Variants in UNC5D observed in about 807,000 individuals in gnomAD.
UNC5D encodes the protein unc-5 netrin receptor D.
Under a neutral mutation model 105.4 loss-of-function variants are expected in UNC5D, and 39 were observed. The observed-to-expected ratio is 0.37, with a 90% CI of 0.29 to 0.48. The LOEUF (loss-of-function observed/expected upper bound fraction) is 0.48. UNC5D is among the 20% of genes least tolerant of loss of function. UNC5D has a pLI of 0.98. For synonymous variants in UNC5D, 452 were observed against 450.4 expected (o/e 1.00, Z -0.04); for missense variants, 991 against 1,202.4 (o/e 0.82, Z 2.60).
Position 35,774,735 on chromosome 8 carries a change from C to T in UNC5D, c.2657+258C>T, listed in dbSNP as rs557621398. Among the ~76,000 whole-genome samples, 14 of 152,098 alleles carry T rather than the reference C, an allele frequency of 9.2e-5. No homozygotes were observed. In the South Asian group the frequency reaches 2.5e-3, roughly 27 times the overall value. On this transcript the variant is annotated intron_variant, in intron 16 of 16. Coordinates refer to ENST00000404895, the MANE Select transcript of UNC5D (RefSeq NM_080872.4). ...TGGCTTGAGCCTAGAAGTTTGAGAC[C>T]AGCCTGGGCAACATGGTGAGACCCC... is the stretch of plus-strand genomic sequence containing the variant.
At chr8:35,371,447 A>G in intron 1 of UNC5D, among the ~76,000 whole-genome samples, 1 of 152,156 alleles carries the variant, frequency 6.6e-6, no homozygotes, top group South Asian at 2.1e-4. Context: ...TGAGATTATC[A>G]TTTTAAAAAA....
intron 1 of UNC5D, among the ~76,000 whole-genome samples, chr8:35,359,979 A>G (rs1801772371): frequency 1.3e-5 from 2 of 152,228 alleles, no homozygotes; most frequent in African/African-American, 2.4e-5. Context: ...TAAATTCTTC[A>G]TTTTGAATTA....
chr8:35,710,945 T>TG (rs1827904409), intron 8 of UNC5D, among the ~76,000 whole-genome samples: 1 of 123,800 alleles, frequency 8.1e-6, no homozygotes, highest in Admixed American at 8.7e-5. Flanking sequence ...TTTTTTTTTT[T>TG]TTTTTTTTTT....
chr8:35,309,119 G>T (rs1410601215), intron 1 of UNC5D, among the ~76,000 whole-genome samples: 1 of 152,102 alleles, frequency 6.6e-6, no homozygotes, highest in Non-Finnish European at 1.5e-5. Flanking sequence ...TCTTCCTCAT[G>T]AACAATTCTG....
chr8:35,288,136 A>G (rs1312428638), intron 1 of UNC5D, among the ~76,000 whole-genome samples: 2 of 152,234 alleles, frequency 1.3e-5, no homozygotes, highest in Admixed American at 6.5e-5. Flanking sequence ...GAACCCAAAG[A>G]GGAGTTTACT....
At chr8:35,549,585 CTG>C in intron 2 of UNC5D, 75 bp downstream of exon 2, 2 of 1,381,466 alleles carry the variant, frequency 1.4e-6, no homozygotes, top group African/African-American at 1.4e-5. Flanking sequence ...CTGGGAAAGA[CTG>C]GAAATCACCC....
chr8:35,330,833 C>A (rs908269752), intron 1 of UNC5D, among the ~76,000 whole-genome samples: 1 of 152,122 alleles, frequency 6.6e-6, no homozygotes, highest in Non-Finnish European at 1.5e-5. Flanking sequence ...TATTCTTTCA[C>A]TGTATTATAC....
chr8:35,591,650 C>A (rs773485068), intron 3 of UNC5D, among the ~76,000 whole-genome samples: 1 of 152,098 alleles, frequency 6.6e-6, no homozygotes, highest in Non-Finnish European at 1.5e-5. Context: ...CTCCCTCTGA[C>A]AATCTCATTG....
intron 1 of UNC5D, among the ~76,000 whole-genome samples, chr8:35,425,575 A>C (rs1442770423): frequency 6.6e-6 from 1 of 152,158 alleles, no homozygotes; most frequent in Non-Finnish European, 1.5e-5. Flanking sequence ...AATGTGAACA[A>C]AGCTGTACTT....
chr8:35,350,054 T>C (rs544369915), intron 1 of UNC5D, among the ~76,000 whole-genome samples: 1 of 152,026 alleles, frequency 6.6e-6, no homozygotes, highest in East Asian at 1.9e-4. Context: ...ATAATTTAAT[T>C]TAATAAATTA....
intron 1 of UNC5D, among the ~76,000 whole-genome samples, chr8:35,319,421 A>C (rs141668992): frequency 6.6e-6 from 1 of 152,260 alleles, no homozygotes; most frequent in East Asian, 1.9e-4. Context: ...GGCTGTCTGA[A>C]TCCTTGATCT....
At chr8:35,657,116 A>ATATATATATATG (rs2131212395) in intron 4 of UNC5D, among the ~76,000 whole-genome samples, 1 of 124,738 alleles carries the variant, frequency 8.0e-6, no homozygotes, top group South Asian at 2.5e-4. Flanking sequence ...ATATATATAT[A>ATATATATATATG]TATATATGCC....
At chr8:35,277,552 G>A (rs6468312) in intron 1 of UNC5D, among the ~76,000 whole-genome samples, 125,265 of 152,060 alleles carry the variant, frequency 0.82, 51,980 homozygotes, top group East Asian at 1. Context: ...TGAGTCTTGG[G>A]TGACTTTTCT....
At chr8:35,476,035 G>A (rs137989326) in intron 1 of UNC5D, among the ~76,000 whole-genome samples, 3 of 152,228 alleles carry the variant, frequency 2.0e-5, no homozygotes, top group East Asian at 1.9e-4. Context: ...TGACTCTATC[G>A]TATATTGCAC....
At chr8:35,237,301 A>G (rs1802537755) in intron 1 of UNC5D, among the ~76,000 whole-genome samples, 1 of 148,800 alleles carries the variant, frequency 6.7e-6, no homozygotes, top group African/African-American at 2.5e-5. Flanking sequence ...TCCTTCTCGT[A>G]CTGGAAGAAG....
At chr8:35,627,543 G>A (rs1018263254) in intron 4 of UNC5D, among the ~76,000 whole-genome samples, 3 of 152,042 alleles carry the variant, frequency 2.0e-5, no homozygotes, top group African/African-American at 7.2e-5. Flanking sequence ...CAGTCTTTTT[G>A]TTTCCATGGA....
chr8:35,380,933 C>A (rs898725341), intron 1 of UNC5D, among the ~76,000 whole-genome samples: 1 of 151,550 alleles, frequency 6.6e-6, no homozygotes, highest in Non-Finnish European at 1.5e-5. Context: ...TTGCTTAAGG[C>A]TCTAAGTATT....
chr8:35,643,136 G>C (rs1249553931), intron 4 of UNC5D, among the ~76,000 whole-genome samples: 1 of 152,124 alleles, frequency 6.6e-6, no homozygotes, highest in African/African-American at 2.4e-5. Flanking sequence ...CTTTGTTGTG[G>C]GGGGGCTGTC....
chr8:35,562,067 C>T (rs920297542), intron 2 of UNC5D, among the ~76,000 whole-genome samples: 4 of 152,148 alleles, frequency 2.6e-5, no homozygotes, highest in African/African-American at 9.6e-5. Context: ...CCAGTCTACT[C>T]TCTATTTTCA....
Sources: allele counts gnomAD v4.1 joint callset (sites outside exome capture counted in the v4.1 genomes callset), GRCh38; gene constraint gnomAD v4.1.1; transcripts MANE v1.5; gene names NCBI Gene and HGNC (gene_info 2026-07-23, HGNC 2026-07-21).